Variants in OTUD5 observed in about 807,000 individuals in gnomAD.
OTUD5 encodes the protein OTU domain-containing protein 5.
In OTUD5, 2 loss-of-function variants were observed where a neutral mutation model predicts 36.3. The ratio of observed to expected loss-of-function variants is 0.06; its 90% CI spans 0.02 to 0.17. OTUD5 has a LOEUF of 0.17. Ranked by LOEUF, OTUD5 falls within the 10% of genes least tolerant of loss-of-function variation. The probability of loss-of-function intolerance (pLI) is 1.00; values close to 1 mark genes in which losing one functional copy is unlikely to be tolerated. For synonymous variants in OTUD5, 234 were observed against 214.9 expected (o/e 1.09, Z -0.78); for missense variants, 233 against 512.3 (o/e 0.45, Z 5.26).
In OTUD5 at chrX:48,923,091, G is replaced by GCTT; in HGVS notation, c.*82_*83insAAG. On this transcript the variant is annotated 3_prime_UTR_variant, in exon 9 of 9. Transcript: ENST00000376488. ...GCAGAAAGAACAGAAGGAGGCAAGAGGGAAGAAGCCAAAGAAGGTGAGGTG... is the reference window on the plus strand; with the variant it reads ...GCAGAAAGAACAGAAGGAGGCAAGAGCTTGGAAGAAGCCAAAGAAGGTGAGGTG... The GCTT allele has an allele frequency of 8.3e-7, 1 of 1,201,869 alleles. No homozygotes were observed. The highest frequency in any genetic ancestry group is 1.1e-6 in the Non-Finnish European group (1 of 889,827).
chrX:48,935,148 G>A (rs1336222398), intron 2 of OTUD5, 130 bp from the exon 3 acceptor site: 1 of 622,790 alleles, frequency 1.6e-6, no homozygotes, highest in African/African-American at 2.2e-5. Flanking sequence ...AAGGCCTGGA[G>A]AGTTCTTGCC....
chrX:48,951,960 G>A (rs782812540), intron 1 of OTUD5, among the ~76,000 whole-genome samples: 1 of 111,050 alleles, frequency 9.0e-6, no homozygotes, highest in South Asian at 3.8e-4. Flanking sequence ...GGAGGCTGAG[G>A]CAGGAGAATC....
At chrX:48,944,101 C>A in intron 2 of OTUD5, 89 bp downstream of exon 2, 2 of 635,725 alleles carry the variant, frequency 3.1e-6, no homozygotes, top group South Asian at 2.5e-5. Context: ...GCTAGCTCTG[C>A]CTCAACCCTG....
chrX:48,922,519 G>A lies in OTUD5; in HGVS notation c.*655C>T. On this transcript the variant is annotated 3_prime_UTR_variant, in exon 9 of 9. Transcript: ENST00000376488. ...CCGGCCTCCATGCAGCTGGAGGCCA[G>A]AAGACAGCAACCCATATCTTTGCAC... 2.6e-6 allele frequency: 2 copies of A among 755,168 alleles called. No individual in the cohort carries two copies. Among genetic ancestry groups the A allele is most frequent in the Non-Finnish European group, 1.6e-6 (1 of 639,531 alleles). 62.2% of individuals were successfully genotyped at this position (755,168 alleles called of 1,213,427 possible).
intron 1 of OTUD5, among the ~76,000 whole-genome samples, chrX:48,955,925 G>A (rs1040140032): frequency 1.8e-5 from 2 of 111,545 alleles, no homozygotes; most frequent in Non-Finnish European, 3.8e-5. Flanking sequence ...TTTGCAGCAG[G>A]ACACCAGGCC....
At chrX:48,954,432 T>C (rs781865670) in intron 1 of OTUD5, among the ~76,000 whole-genome samples, 12 of 111,364 alleles carry the variant, frequency 1.1e-4, no homozygotes, top group South Asian at 3.7e-4. Context: ...CATGGCTGCA[T>C]AGGATGTTTT....
chrX:48,949,785 G>A (rs1317583783), intron 1 of OTUD5, among the ~76,000 whole-genome samples: 2 of 111,362 alleles, frequency 1.8e-5, no homozygotes, highest in East Asian at 5.6e-4. Context: ...TCCAGGAAGT[G>A]GAGGGTGCAG....
intron 6 of OTUD5, 37 bp downstream of exon 6, chrX:48,925,810 G>C: frequency 8.8e-7 from 1 of 1,134,669 alleles, no homozygotes; most frequent in Non-Finnish European, 1.2e-6. Context: ...GAAGTAATGA[G>C]TTTTTGGCCA....
At chrX:48,950,699 G>C (rs1363469538) in intron 1 of OTUD5, among the ~76,000 whole-genome samples, 1 of 108,474 alleles carries the variant, frequency 9.2e-6, no homozygotes, top group Non-Finnish European at 1.9e-5. Context: ...GAGTAGCTGG[G>C]ATTACAGGCA....
chrX:48,924,951 C>CCA (rs1204758102), intron 6 of OTUD5, among the ~76,000 whole-genome samples: 1 of 111,609 alleles, frequency 9.0e-6, no homozygotes, highest in Non-Finnish European at 1.9e-5. Flanking sequence ...ACAGGGCCTG[C>CCA]CACAGACTGG....
intron 1 of OTUD5, among the ~76,000 whole-genome samples, chrX:48,946,577 G>A (rs782534206): frequency 2.7e-5 from 3 of 112,009 alleles, no homozygotes; most frequent in Non-Finnish European, 3.8e-5. Flanking sequence ...GCTTCCATGC[G>A]CAGCACAAGG....
At chrX:48,951,943 C>A (rs2147674852) in intron 1 of OTUD5, among the ~76,000 whole-genome samples, 1 of 110,881 alleles carries the variant, frequency 9.0e-6, no homozygotes, top group African/African-American at 3.3e-5. Flanking sequence ...GTAGCCCCAG[C>A]TACTTGGGAG....
chrX:48,948,351 T>TCAAAAA (rs1338994790), intron 1 of OTUD5, among the ~76,000 whole-genome samples: 3 of 110,275 alleles, frequency 2.7e-5, no homozygotes, highest in Non-Finnish European at 3.8e-5. Context: ...AGACTATGTC[T>TCAAAAA]CAAAAACAAA....
rs782629820 is a variant in OTUD5, at chrX:48,923,700, G to A, written c.1512C>T (p.Pro504=). 3 of 1,208,071 alleles carry A rather than the reference G, an allele frequency of 2.5e-6. No individual in the cohort carries two copies. Among genetic ancestry groups the A allele is most frequent in the South Asian group, 1.8e-5 (1 of 56,538 alleles). The change falls in exon 8 of 9, where the codon CCC becomes CCT. Residue 504 remains proline, a synonymous_variant. Coordinates refer to ENST00000376488, the MANE Select transcript of OTUD5 (RefSeq NM_001136157.2). ...CCAAAGCAGGGTAGAGGGACACAAG[G>A]GGGGAAGTTGCCCGGTCGGCCCCTG... The part of the protein sequence containing the change: ...FSAGADRATS[P]LVSLYPALEC...
At chrX:48,934,321 T>A in intron 5 of OTUD5, 143 bp downstream of exon 5, 1 of 107,478 alleles carries the variant, frequency 9.3e-6, no homozygotes, top group Non-Finnish European at 1.9e-5. Flanking sequence ...TAACTCCCTA[T>A]TTTTTTTTTT....
At chrX:48,953,077 G>A (rs1387107806) in intron 1 of OTUD5, among the ~76,000 whole-genome samples, 1 of 111,924 alleles carries the variant, frequency 8.9e-6, no homozygotes, top group Non-Finnish European at 1.9e-5. Context: ...TTTGCCTAAA[G>A]CTATAAAGCA....
At chrX:48,923,383 G>A in intron 8 of OTUD5, 88 bp from the exon 9 acceptor site, 1 of 765,040 alleles carries the variant, frequency 1.3e-6, no homozygotes, top group Non-Finnish European at 2.0e-6. Flanking sequence ...GGGCTCTGGA[G>A]AAATCCCATA....
At chrX:48,957,746 CGGCGGT>C (rs1266497831), upstream of OTUD5, 216 of 780,916 alleles carry the variant, frequency 2.8e-4, no homozygotes, top group Middle Eastern at 6.8e-4. Context: ...GCGGCGGCGG[CGGCGGT>C]GGCGGCGCGC....
upstream of OTUD5, chrX:48,957,763 G>T: frequency 1.3e-6 from 1 of 795,132 alleles, no homozygotes; most frequent in Admixed American, 8.1e-5. Flanking sequence ...GGCGGCGCGC[G>T]GGTCACGCCG....
Sources: gnomAD v4.1 joint callset for allele counts (sites outside exome capture counted in the v4.1 genomes callset) on GRCh38, gnomAD v4.1.1 for gene constraint, MANE v1.5 for transcripts, NCBI Gene and HGNC (gene_info 2026-07-23, HGNC 2026-07-21) for gene names.